Variants in HMCN1 observed in about 807,000 individuals in gnomAD.
The protein encoded by HMCN1 is hemicentin-1.
HMCN1 carries 321 observed loss-of-function variants against 625.9 expected under a neutral mutation model. The observed-to-expected ratio is 0.51, with a 90% CI of 0.47 to 0.56. HMCN1 has a LOEUF of 0.56. Among genes scored for constraint, HMCN1 ranks in the 20% least tolerant of loss-of-function variants. The pLI is 0.00. For missense variants in HMCN1, 6,588 were observed against 6,887.3 expected (o/e 0.96, Z 1.54); for synonymous variants, 2,425 against 2,417.6 (o/e 1.00, Z -0.09).
chr1:186,027,573 GT>G (rs1490801631), intron 36 of HMCN1, among the ~76,000 whole-genome samples: 1 of 152,200 alleles, frequency 6.6e-6, no homozygotes, highest in Non-Finnish European at 1.5e-5. Context: ...GATAGAGAGA[GT>G]ATACCACAGT....
chr1:186,081,247 A>T lies in HMCN1; in HGVS notation c.8640A>T (p.Glu2880Asp). ...IIKGANSDLP[E>D]EVTVLVNKSA... Reference sequence around the variant, plus strand: ...AGGGAGCAAATAGTGATCTCCCTGAAGAGGTCACCGTGCTGGTGAACAAGA... The same window carrying T: ...AGGGAGCAAATAGTGATCTCCCTGATGAGGTCACCGTGCTGGTGAACAAGA... The change falls in exon 56 of 107, where the codon GAA becomes GAT. Residue 2880 changes from glutamate to aspartate, a missense_variant. Around this residue, in one of 3 missense-constraint regions of HMCN1, gnomAD observed 4,628 missense variants for 4,853.1 expected, o/e 0.95. Transcript: ENST00000271588. 6.2e-7 allele frequency: 1 copy of T among 1,613,822 alleles called. No homozygotes were observed. The highest frequency in any genetic ancestry group is 8.5e-7 in the Non-Finnish European group (1 of 1,179,762).
At chr1:186,106,186 G>A (rs1176538275) in intron 69 of HMCN1, among the ~76,000 whole-genome samples, 2 of 152,008 alleles carry the variant, frequency 1.3e-5, no homozygotes, top group Non-Finnish European at 2.9e-5. Flanking sequence ...TACATTTTTC[G>A]CAGTAGTAAG....
At chr1:185,923,728 G>A (rs1667114563) in intron 8 of HMCN1, 75 bp downstream of exon 8, 1 of 1,216,770 alleles carries the variant, frequency 8.2e-7, no homozygotes, top group Non-Finnish European at 1.2e-6. Flanking sequence ...GTAAATAACG[G>A]ACTATCAAAT....
chr1:186,152,862 C>A lies in HMCN1; in HGVS notation c.15009C>A (p.Val5003=). The change falls in exon 96 of 107, where the codon GTC becomes GTA. Residue 5003 remains valine, a synonymous_variant. Coordinates refer to ENST00000271588, the MANE Select transcript of HMCN1 (RefSeq NM_031935.3). The part of the protein sequence containing the change: ...YVLQLQSPAE[V]TVKDYTEDYI... ...TACAGCTTCAGTCACCTGCTGAAGTCACTGTAAAGGTAAAATGCCAGGATA... is the reference window on the plus strand; with the variant it reads ...TACAGCTTCAGTCACCTGCTGAAGTAACTGTAAAGGTAAAATGCCAGGATA... 1 of 1,613,744 alleles carries A rather than the reference C, an allele frequency of 6.2e-7. No individual in the cohort carries two copies. The highest frequency in any genetic ancestry group is 1.1e-5 in the South Asian group (1 of 91,036).
intron 4 of HMCN1, among the ~76,000 whole-genome samples, chr1:185,867,993 C>T (rs768767355): frequency 4.6e-5 from 7 of 151,804 alleles, no homozygotes; most frequent in Non-Finnish European, 7.4e-5. Context: ...CACTTGAACC[C>T]GGGAGGTGGA....
chr1:185,987,058 T>C (rs1057476760), intron 19 of HMCN1, among the ~76,000 whole-genome samples: 1 of 151,652 alleles, frequency 6.6e-6, no homozygotes, highest in African/African-American at 2.4e-5. Flanking sequence ...TGCAGCTTAA[T>C]GAATAAAGGA....
At chr1:186,057,031 T>TCACACACA (rs59926356) in intron 45 of HMCN1, among the ~76,000 whole-genome samples, 44 of 148,034 alleles carry the variant, frequency 3.0e-4, no homozygotes, top group African/African-American at 9.2e-4. Flanking sequence ...TCCAGGAATG[T>TCACACACA]CACACACACA....
Position 186,076,494 on chromosome 1 carries a change from C to G in HMCN1, c.8357C>G (p.Ala2786Gly), listed in dbSNP as rs1424657076. ...NMLDTGRNGE[A>G]KDVIINNPIS... ...CTAGATACTGGCAGGAATGGTGAAGCCAAAGATGTGATCATCAACAATCCC... is the reference window on the plus strand; with the variant it reads ...CTAGATACTGGCAGGAATGGTGAAGGCAAAGATGTGATCATCAACAATCCC... The change falls in exon 54 of 107, where the codon GCC becomes GGC. Residue 2786 changes from alanine to glycine, a missense_variant. By Grantham distance (60) the Ala-to-Gly change is moderately conservative. Coordinates refer to ENST00000271588, the MANE Select transcript of HMCN1 (RefSeq NM_031935.3). The G allele has an allele frequency of 6.2e-7, 1 of 1,613,682 alleles. No homozygotes were observed. The highest frequency in any genetic ancestry group is 1.1e-5 in the South Asian group (1 of 91,082).
intron 1 of HMCN1, among the ~76,000 whole-genome samples, chr1:185,773,689 C>T (rs1656403147): frequency 6.6e-6 from 1 of 152,114 alleles, no homozygotes; most frequent in Non-Finnish European, 1.5e-5. Context: ...TTTCCTATTA[C>T]TGGTAACCTA....
chr1:186,078,032 G>GA, intron 54 of HMCN1, 75 bp from the exon 55 acceptor site: 1 of 1,143,358 alleles, frequency 8.7e-7, no homozygotes, highest in Non-Finnish European at 1.3e-6. Context: ...CATTAGACCT[G>GA]AAAATTTGTA....
At chr1:185,762,031 T>A (rs1452693941) in intron 1 of HMCN1, among the ~76,000 whole-genome samples, 1 of 152,110 alleles carries the variant, frequency 6.6e-6, no homozygotes, top group South Asian at 2.1e-4. Context: ...CATTCCAGCT[T>A]TACCAGTTCA....
rs370852804 is a variant in HMCN1, at chr1:186,082,293, G to A, written c.8788-572G>A. Among the ~76,000 whole-genome samples, 4 of 152,310 alleles carry A rather than the reference G, an allele frequency of 2.6e-5. No homozygotes were observed. The East Asian group carries it at 7.7e-4, about 29-fold the overall frequency. On this transcript the variant is annotated intron_variant, in intron 56 of 106. Coordinates refer to ENST00000271588, the MANE Select transcript of HMCN1 (RefSeq NM_031935.3). Reference sequence around the variant, plus strand: ...AAGCATTTATTTAGCTCACAAGCCTGCTGGTTTGCTAGATGATTCTTCCGG... The same window carrying A: ...AAGCATTTATTTAGCTCACAAGCCTACTGGTTTGCTAGATGATTCTTCCGG...
At chr1:185,836,730 G>A (rs923401881) in intron 1 of HMCN1, among the ~76,000 whole-genome samples, 2 of 151,956 alleles carry the variant, frequency 1.3e-5, no homozygotes, top group Non-Finnish European at 2.9e-5. Flanking sequence ...TTCATCACCC[G>A]GGTGATAAGC....
chr1:185,854,237 A>C (rs1241610425), intron 2 of HMCN1, among the ~76,000 whole-genome samples: 1 of 152,178 alleles, frequency 6.6e-6, no homozygotes, highest in African/African-American at 2.4e-5. Context: ...TTTTTTCTCT[A>C]TCCAAACTGG....
intron 103 of HMCN1, among the ~76,000 whole-genome samples, chr1:186,175,902 AAAAGAAAAGAAAG>A (rs1467296624): frequency 6.6e-6 from 1 of 151,262 alleles, no homozygotes; most frequent in Non-Finnish European, 1.5e-5. Flanking sequence ...GAAAGAAAAG[AAAAGAAAAGAAAG>A]AAAGAAAAGA....
chr1:185,817,113 T>C (rs1326206840), intron 1 of HMCN1, among the ~76,000 whole-genome samples: 4 of 152,170 alleles, frequency 2.6e-5, no homozygotes, highest in Admixed American at 2.6e-4. Flanking sequence ...GGTGTGATGG[T>C]AGAAACAGAG....
intron 57 of HMCN1, 25 bp downstream of exon 57, chr1:186,082,986 C>G: frequency 7.2e-7 from 1 of 1,388,696 alleles, no homozygotes. Context: ...CCAAAACCAT[C>G]TGTTAGGGTA....
intron 36 of HMCN1, among the ~76,000 whole-genome samples, chr1:186,023,717 C>T (rs533839223): frequency 6.6e-6 from 1 of 152,270 alleles, no homozygotes; most frequent in Non-Finnish European, 1.5e-5. Flanking sequence ...TTGGACTTTC[C>T]TAATTTAGCC....
Position 186,061,876 on chromosome 1 carries a change from G to A in HMCN1, c.7338G>A (p.Gln2446=), listed in dbSNP as rs1657727424. 6.2e-7 allele frequency: 1 copy of A among 1,612,656 alleles called. No homozygotes were observed. The highest frequency in any genetic ancestry group is 1.1e-5 in the South Asian group (1 of 91,012). The part of the protein sequence containing the change: ...LSGGRMLRLM[Q]TTMEDAGQYT... ...GAGGCAGGATGCTACGGCTGATGCAGACCACAATGGAAGATGCTGGCCAAT... is the reference window on the plus strand; with the variant it reads ...GAGGCAGGATGCTACGGCTGATGCAAACCACAATGGAAGATGCTGGCCAAT... The change falls in exon 47 of 107, where the codon CAG becomes CAA. Residue 2446 remains glutamine, a synonymous_variant. Coordinates refer to ENST00000271588, the MANE Select transcript of HMCN1 (RefSeq NM_031935.3).
Sources: allele counts gnomAD v4.1 joint callset (sites outside exome capture counted in the v4.1 genomes callset), GRCh38; gene constraint gnomAD v4.1.1; regional missense constraint gnomAD v4.1.1; transcripts MANE v1.5; gene names NCBI Gene and HGNC (gene_info 2026-07-23, HGNC 2026-07-21).